TSPAN11: variants seen among roughly 807,000 people sequenced by gnomAD.
TSPAN11 encodes tetraspanin 11, also known as tetraspanin-11.
Under a neutral mutation model 32.9 loss-of-function variants are expected in TSPAN11, and 29 were observed. That is an observed-to-expected ratio of 0.88 (90% CI 0.66 to 1.20). The LOEUF (loss-of-function observed/expected upper bound fraction) is 1.20. Ranked by LOEUF, TSPAN11 falls within the 50% of genes most tolerant of loss-of-function variation. TSPAN11 has a pLI of 0.00. For missense variants in TSPAN11, 283 were observed against 329.1 expected (o/e 0.86, Z 1.08); for synonymous variants, 140 against 141.3 (o/e 0.99, Z 0.07).
intron 7 of TSPAN11, among the ~76,000 whole-genome samples, chr12:30,990,991 G>A (rs1010966111): frequency 2.0e-5 from 3 of 152,176 alleles, no homozygotes; most frequent in African/African-American, 7.2e-5. Flanking sequence ...AGGAAGAGGA[G>A]GAAGAAGGCA....
chr12:30,991,756 C>T, intron 7 of TSPAN11, 100 bp from the exon 8 acceptor site: 1 of 1,304,218 alleles, frequency 7.7e-7, no homozygotes, highest in Non-Finnish European at 1.1e-6. Context: ...GCCCAGGCCC[C>T]AGGGTATTCG....
At chr12:30,929,486 C>A (rs1409113549) in intron 1 of TSPAN11, among the ~76,000 whole-genome samples, 1 of 152,176 alleles carries the variant, frequency 6.6e-6, no homozygotes, top group Non-Finnish European at 1.5e-5. Context: ...CTGAGACAGG[C>A]ACCAGACGGA....
chr12:31,006,962 C>T, the TSPAN11 span, among the ~76,000 whole-genome samples: 1 of 152,226 alleles, frequency 6.6e-6, no homozygotes, highest in Non-Finnish European at 1.5e-5. Flanking sequence ...TGAGCTTCTA[C>T]CCGCACTTGC....
chr12:30,969,205 G>T (rs1938798127), intron 3 of TSPAN11, among the ~76,000 whole-genome samples: 1 of 152,212 alleles, frequency 6.6e-6, no homozygotes, highest in South Asian at 2.1e-4. Context: ...GAAGTAGCTG[G>T]CGCTGGTGGG....
rs10699082 is a variant in TSPAN11 at position 30,992,077 on chromosome 12, T to TACA, written c.*162_*163insACA. 2.7e-6 allele frequency: 2 copies of TACA among 746,614 alleles called. No individual in the cohort carries two copies. The highest frequency in any genetic ancestry group is 4.5e-6 in the Non-Finnish European group (2 of 442,476). The allele number at this position is 746,614 out of a possible 1,614,324, so 46.2% of individuals were successfully genotyped here. On this transcript the variant is annotated 3_prime_UTR_variant, in exon 8 of 8. Transcript: ENST00000546076. ...ACCGAGTGCCTGAGACCATAGCTTC[T>TACA]GTGCCCACCCAGGCAGAGACCCTCG...
At position 30,961,633 on chromosome 12, in the gene TSPAN11, G is replaced by A. The variant is rs111579721; in HGVS notation, c.85-2193G>A. Among the ~76,000 whole-genome samples, 509 of 152,108 alleles carry A rather than the reference G, an allele frequency of 3.3e-3. 6 individuals carry two copies. The highest frequency in any genetic ancestry group is 6.8e-3 in the Middle Eastern group (2 of 294). On this transcript the variant is annotated intron_variant, in intron 2 of 7. Transcript: ENST00000546076. ...CCTTACAGCTAAGCCTAAGGACTGG[G>A]ACGGGGTGGAGGCTCTCAAAACATT...
chr12:31,006,990 T>C, the TSPAN11 span, among the ~76,000 whole-genome samples: 9 of 152,176 alleles, frequency 5.9e-5, no homozygotes, highest in Non-Finnish European at 8.8e-5. Flanking sequence ...TTAGGACCCA[T>C]GGACAGCCAC....
intron 1 of TSPAN11, among the ~76,000 whole-genome samples, chr12:30,927,637 A>G (rs1393040979): frequency 1.3e-5 from 2 of 151,686 alleles, no homozygotes; most frequent in East Asian, 3.9e-4. Context: ...TCATAAGTGC[A>G]CTCTGGGGCA....
intron 1 of TSPAN11, among the ~76,000 whole-genome samples, chr12:30,932,718 T>C (rs750765622): frequency 2.0e-5 from 3 of 152,176 alleles, no homozygotes; most frequent in Non-Finnish European, 4.4e-5. Context: ...AAAAATGCTT[T>C]ATACAATTTC....
intron 3 of TSPAN11, among the ~76,000 whole-genome samples, chr12:30,967,673 C>T (rs1353329461): frequency 4.1e-5 from 5 of 122,172 alleles, no homozygotes; most frequent in Admixed American, 8.5e-5. Context: ...CACACACATT[C>T]GTGCACACAC....
chr12:30,994,544 C>A lies in TSPAN11; in HGVS notation c.*2629C>A, dbSNP rs1939380798. The A allele has an allele frequency of 6.6e-6, 1 of 152,178 alleles. No homozygotes were observed. The highest frequency in any genetic ancestry group is 6.5e-5 in the Admixed American group (1 of 15,276). 9.4% of individuals were successfully genotyped at this position (152,178 alleles called of 1,614,324 possible). On this transcript the variant is annotated 3_prime_UTR_variant, in exon 8 of 8. Transcript: ENST00000546076. Reference sequence around the variant, plus strand: ...CCAAGAGAAGGGCGCGTCCCCGAGTCCCCTGGGTGACCTGTGTCAGGACAG... The same window carrying A: ...CCAAGAGAAGGGCGCGTCCCCGAGTACCCTGGGTGACCTGTGTCAGGACAG...
the TSPAN11 span, among the ~76,000 whole-genome samples, chr12:31,002,704 A>G: frequency 6.6e-6 from 1 of 152,188 alleles, no homozygotes; most frequent in Admixed American, 6.5e-5. The surrounding 1 kb of genome is among the most constrained non-coding windows in gnomAD (Gnocchi z 4.8). Context: ...TGTCCCTGCT[A>G]GTTAGCACCT....
the TSPAN11 span, among the ~76,000 whole-genome samples, chr12:31,003,743 T>C: frequency 6.6e-5 from 10 of 152,052 alleles, no homozygotes; most frequent in Non-Finnish European, 1.0e-4. Flanking sequence ...GGAGGACTCC[T>C]TACCAGCAAG....
chr12:30,999,010 G>GT (rs1939452531), downstream of TSPAN11: 1 of 152,162 alleles, frequency 6.6e-6, no homozygotes, highest in African/African-American at 2.4e-5. Flanking sequence ...TAAATACATC[G>GT]TAAGTTTAAA....
At chr12:30,976,095 G>A (rs1449216898) in intron 3 of TSPAN11, among the ~76,000 whole-genome samples, 1 of 152,156 alleles carries the variant, frequency 6.6e-6, no homozygotes, top group Non-Finnish European at 1.5e-5. Context: ...TGGGGTGAGG[G>A]TGAATGTGTA....
At chr12:30,980,193 A>T (rs527962966) in intron 5 of TSPAN11, among the ~76,000 whole-genome samples, 1 of 152,324 alleles carries the variant, frequency 6.6e-6, no homozygotes, top group Non-Finnish European at 1.5e-5. Context: ...GTTTTCTCCT[A>T]AGAAGACATG....
chr12:30,943,595 T>G (rs1490813045), intron 1 of TSPAN11, among the ~76,000 whole-genome samples: 3 of 152,222 alleles, frequency 2.0e-5, no homozygotes, highest in African/African-American at 7.2e-5. Context: ...GCCCTGCTAC[T>G]AATCTGCAGT....
chr12:30,952,335 C>T (rs1362197249), intron 1 of TSPAN11, among the ~76,000 whole-genome samples: 3 of 152,160 alleles, frequency 2.0e-5, no homozygotes, highest in Non-Finnish European at 4.4e-5. Flanking sequence ...GCCGTGAAAT[C>T]GCTCCCATTA....
chr12:31,007,178 G>A, the TSPAN11 span, among the ~76,000 whole-genome samples: 8 of 152,152 alleles, frequency 5.3e-5, no homozygotes, highest in African/African-American at 1.4e-4. Flanking sequence ...CAAGACCTGG[G>A]TTCATATCTT....
Sources: gnomAD v4.1 joint callset for allele counts (sites outside exome capture counted in the v4.1 genomes callset) on GRCh38, gnomAD v4.1.1 for gene constraint, Gnocchi (gnomAD v3.1) non-coding constraint, MANE v1.5 for transcripts, NCBI Gene and HGNC (gene_info 2026-07-23, HGNC 2026-07-21) for gene names.